The following THSD7A variants were observed in gnomAD, a reference collection of about 807,000 sequenced individuals.
The protein encoded by THSD7A is thrombospondin type 1 domain containing 7A.
Under a neutral mutation model 231.3 loss-of-function variants are expected in THSD7A, and 96 were observed. That is an observed-to-expected ratio of 0.41 (90% confidence interval 0.35 to 0.49). The LOEUF is 0.49. Ranked by LOEUF, THSD7A falls within the 20% of genes least tolerant of loss-of-function variation. The probability of loss-of-function intolerance (pLI) is 0.05; values close to 1 mark genes in which losing one functional copy is unlikely to be tolerated. For synonymous variants in THSD7A, 940 were observed against 743.3 expected, an observed-to-expected ratio of 1.26 and a Z score of -4.30; for missense variants, 2,290 against 2,070.2, an observed-to-expected ratio of 1.11 and a Z score of -2.06.
intron 1 of THSD7A, among the ~76,000 whole-genome samples, chr7:11,674,704 T>C (rs1783564506): frequency 6.6e-6 from 1 of 152,052 alleles, no homozygotes; most frequent in South Asian, 2.1e-4. Flanking sequence ...AAGCATTAGC[T>C]CTCTCAGGTG....
intron 20 of THSD7A, 118 bp from the exon 21 acceptor site, chr7:11,407,173 C>G: frequency 2.0e-6 from 3 of 1,480,194 alleles, no homozygotes; most frequent in Non-Finnish European, 2.8e-6. Flanking sequence ...ACAAGTAAGG[C>G]TTAGATGTTT....
intron 1 of THSD7A, chr7:11,820,878 G>C (rs1375496351): frequency 1.1e-6 from 1 of 885,850 alleles, no homozygotes; most frequent in Admixed American, 2.0e-5. Flanking sequence ...CCTTTCCCTC[G>C]AGTGGCTGGA....
chr7:11,684,077 A>G (rs954134575), intron 1 of THSD7A, among the ~76,000 whole-genome samples: 1 of 152,018 alleles, frequency 6.6e-6, no homozygotes, highest in African/African-American at 2.4e-5. Context: ...ATGATCCAAT[A>G]CACACAAATT....
At chr7:11,690,448 T>G (rs1780197153) in intron 1 of THSD7A, among the ~76,000 whole-genome samples, 4 of 151,920 alleles carry the variant, frequency 2.6e-5, no homozygotes, top group East Asian at 2.0e-4. Flanking sequence ...TGAATGGTAG[T>G]GACAATTTAT....
At chr7:11,433,369 G>T (rs1368455959) in intron 13 of THSD7A, among the ~76,000 whole-genome samples, 1 of 151,814 alleles carries the variant, frequency 6.6e-6, no homozygotes, top group Non-Finnish European at 1.5e-5. Flanking sequence ...TTATTTTAGG[G>T]CCAGTAATCA....
intron 1 of THSD7A, among the ~76,000 whole-genome samples, chr7:11,740,425 C>A (rs1467897770): frequency 6.6e-6 from 1 of 152,004 alleles, no homozygotes; most frequent in Non-Finnish European, 1.5e-5. Flanking sequence ...TCCCTTACAT[C>A]TGTAACACAA....
At chr7:11,747,096 T>C (rs545951353) in intron 1 of THSD7A, among the ~76,000 whole-genome samples, 2 of 151,938 alleles carry the variant, frequency 1.3e-5, no homozygotes, top group Non-Finnish European at 2.9e-5. Context: ...CCTTTGGAAA[T>C]TACTAGCTTT....
At chr7:11,466,640 G>A (rs1038631635) in intron 9 of THSD7A, among the ~76,000 whole-genome samples, 4 of 151,988 alleles carry the variant, frequency 2.6e-5, no homozygotes, top group African/African-American at 9.7e-5. Flanking sequence ...TTTGTTCTAG[G>A]AGAAACAACA....
At chr7:11,383,455 T>G (rs1041103958) in intron 23 of THSD7A, among the ~76,000 whole-genome samples, 1 of 152,006 alleles carries the variant, frequency 6.6e-6, no homozygotes, top group Non-Finnish European at 1.5e-5. Context: ...AAATTACATA[T>G]CTAGAAGGGA....
rs1202950174 is a variant in THSD7A, at chr7:11,769,142, TATATA to T, written c.190+62610_190+62614del. ...CTGGCAATATATATATATATATATA[TATATA>T]TATATATTTTTTTTTTTTTTTGGTA... On this transcript the variant is annotated intron_variant, in intron 1 of 27. Coordinates refer to ENST00000423059, the MANE Select transcript of THSD7A (RefSeq NM_015204.3). Among the ~76,000 whole-genome samples, 28 of 64,916 alleles carry T rather than the reference TATATA, an allele frequency of 4.3e-4. 1 individual carries two copies. Among genetic ancestry groups the T allele is most frequent in the African/African-American group, 1.3e-3 (25 of 19,390 alleles). 42.6% of individuals were successfully genotyped at this position (64,916 alleles called of 152,430 possible).
At chr7:11,436,233 G>A (rs1056153283) in intron 13 of THSD7A, among the ~76,000 whole-genome samples, 2 of 152,046 alleles carry the variant, frequency 1.3e-5, no homozygotes, top group African/African-American at 2.4e-5. Context: ...TGAAGATGAA[G>A]TAATGGAAGA....
In THSD7A at chr7:11,831,070, A is replaced by G. The variant is rs1785177840; in HGVS notation, c.190+687T>C. 6.6e-6 allele frequency among the ~76,000 whole-genome samples: 1 copy of G among 152,210 alleles called. No homozygotes were observed. ...CGCCAGAAACTCCAAGCATTTTGCC[A>G]ATGGGTAATGATGGGCAGTTAGTAG... On this transcript the variant is annotated intron_variant, in intron 1 of 27. Transcript: ENST00000423059. The surrounding 1 kb of genome is among the most constrained non-coding windows in gnomAD (Gnocchi z 5.0).
At chr7:11,648,569 C>A (rs1015230100) in intron 1 of THSD7A, among the ~76,000 whole-genome samples, 2 of 150,932 alleles carry the variant, frequency 1.3e-5, no homozygotes, top group Admixed American at 6.6e-5. Context: ...ACAACTCCAG[C>A]CAAAAAGTTA....
intron 1 of THSD7A, among the ~76,000 whole-genome samples, chr7:11,645,267 G>A (rs991224910): frequency 6.6e-6 from 1 of 151,584 alleles, no homozygotes; most frequent in East Asian, 1.9e-4. Context: ...TCTCATGGAT[G>A]TTTTTTCTCA....
intron 1 of THSD7A, among the ~76,000 whole-genome samples, chr7:11,724,896 C>T (rs1188249599): frequency 4.0e-5 from 6 of 151,818 alleles, no homozygotes; most frequent in Non-Finnish European, 7.4e-5. Flanking sequence ...AGGAGTTTCT[C>T]CCAAATCAAA....
intron 23 of THSD7A, among the ~76,000 whole-genome samples, chr7:11,387,787 A>G (rs999776655): frequency 6.6e-6 from 1 of 152,152 alleles, no homozygotes; most frequent in Non-Finnish European, 1.5e-5. Flanking sequence ...GTCTTGTGCC[A>G]GTTTTCAAAG....
At chr7:11,532,769 T>C (rs571316404) in intron 6 of THSD7A, among the ~76,000 whole-genome samples, 5 of 152,178 alleles carry the variant, frequency 3.3e-5, no homozygotes, top group Non-Finnish European at 7.4e-5. Flanking sequence ...TGATATGCTA[T>C]TGGAAGAGAA....
chr7:11,676,232 G>T (rs1783630786), intron 1 of THSD7A, among the ~76,000 whole-genome samples: 1 of 152,048 alleles, frequency 6.6e-6, no homozygotes, highest in Non-Finnish European at 1.5e-5. Context: ...ATCTAAAAAA[G>T]GACAACATAG....
At chr7:11,645,317 A>G (rs1290940208) in intron 1 of THSD7A, among the ~76,000 whole-genome samples, 1 of 151,808 alleles carries the variant, frequency 6.6e-6, no homozygotes, top group Non-Finnish European at 1.5e-5. Flanking sequence ...TCTGACCATT[A>G]AAATGTATTT....
Sources: allele counts gnomAD v4.1 joint callset (sites outside exome capture counted in the v4.1 genomes callset), GRCh38; gene constraint gnomAD v4.1.1; non-coding constraint Gnocchi (gnomAD v3.1); transcripts MANE v1.5; gene names NCBI Gene and HGNC (gene_info 2026-07-23, HGNC 2026-07-21).